Variants in GRK5 observed in about 807,000 individuals in gnomAD.
GRK5 encodes the protein g protein-coupled receptor kinase GRK5.
A neutral mutation model predicts 78.4 loss-of-function variants in GRK5; 40 were observed. That is an observed-to-expected ratio of 0.51 (90% CI 0.40 to 0.66). The LOEUF (loss-of-function observed/expected upper bound fraction) is 0.66, where lower values mean the gene tolerates loss of function less well. Among genes scored for constraint, GRK5 ranks in the 30% least tolerant of loss-of-function variants. The pLI, the probability that GRK5 is intolerant of heterozygous loss-of-function variation, is 0.00. For synonymous variants in GRK5, 289 were observed against 296.8 expected (o/e 0.97, Z 0.27); for missense variants, 598 against 759.9 (o/e 0.79, Z 2.50).
intron 1 of GRK5, among the ~76,000 whole-genome samples, chr10:119,319,643 C>G (rs1421396939): frequency 6.6e-6 from 1 of 152,258 alleles, no homozygotes; most frequent in Admixed American, 6.5e-5. Context: ...CCCTGAACAG[C>G]AGAGGATCCT....
chr10:119,297,821 A>C (rs4752282), intron 1 of GRK5, among the ~76,000 whole-genome samples: 1 of 152,066 alleles, frequency 6.6e-6, no homozygotes, highest in Non-Finnish European at 1.5e-5. Context: ...TTGTTTATAA[A>C]TTACCCAGTC....
At chr10:119,364,424 C>G (rs368161322) in intron 2 of GRK5, among the ~76,000 whole-genome samples, 1 of 152,170 alleles carries the variant, frequency 6.6e-6, no homozygotes, top group Admixed American at 6.5e-5. Context: ...TAAGAAGCCA[C>G]CTTTGGGAGG....
chr10:119,312,066 G>C (rs958697538), intron 1 of GRK5, among the ~76,000 whole-genome samples: 5 of 151,702 alleles, frequency 3.3e-5, no homozygotes, highest in African/African-American at 1.2e-4. Flanking sequence ...ACATCCACCC[G>C]CTGCTAATTT....
In GRK5 at chr10:119,454,978, A is replaced by G. The variant is rs1329121016; in HGVS notation, c.1684A>G (p.Asn562Asp). The G allele has an allele frequency of 6.2e-7, 1 of 1,613,060 alleles. No homozygotes were observed. Among genetic ancestry groups the G allele is most frequent in the Non-Finnish European group, 8.5e-7 (1 of 1,179,262 alleles). The change falls in exon 16 of 16, where the codon AAT becomes GAT. Residue 562 changes from asparagine to aspartate, a missense_variant. Physicochemically the swap from Asn to Asp is conservative, Grantham distance 23. Coordinates refer to ENST00000392870, the MANE Select transcript of GRK5 (RefSeq NM_005308.3). The stretch of plus-strand genomic sequence containing the variant: ...CCAACCCCAACCCCAGCATCAGAAC[A>G]ATTCCAAGAGTTCGCCCAGCTCCAA... The part of the protein sequence containing the change: ...QRLFKRQHQN[N>D]SKSSPSSKTS...
At chr10:119,418,941 G>GA (rs1852516818) in intron 4 of GRK5, among the ~76,000 whole-genome samples, 2 of 152,170 alleles carry the variant, frequency 1.3e-5, no homozygotes, top group African/African-American at 4.8e-5. Flanking sequence ...CATTCAAGGG[G>GA]CATCTTTGAT....
At chr10:119,315,280 A>G (rs890686413) in intron 1 of GRK5, among the ~76,000 whole-genome samples, 3 of 152,186 alleles carry the variant, frequency 2.0e-5, no homozygotes, top group African/African-American at 7.2e-5. Context: ...TTGCTTCTGA[A>G]AAGGCTTGAG....
chr10:119,386,332 C>T (rs1851793725), intron 3 of GRK5, among the ~76,000 whole-genome samples: 1 of 152,186 alleles, frequency 6.6e-6, no homozygotes, highest in African/African-American at 2.4e-5. Flanking sequence ...AAAGAGGAGG[C>T]AGCAGCAGCT....
intron 1 of GRK5, among the ~76,000 whole-genome samples, chr10:119,243,887 A>G (rs1387722131): frequency 6.6e-6 from 1 of 152,262 alleles, no homozygotes; most frequent in Non-Finnish European, 1.5e-5. Flanking sequence ...GTAGGAGCCT[A>G]GATTTTATAG....
chr10:119,296,459 C>T lies in GRK5; in HGVS notation c.53-30057C>T, dbSNP rs1292339962. 2.6e-5 allele frequency among the ~76,000 whole-genome samples: 4 copies of T among 152,280 alleles called. No homozygotes were observed. The East Asian group carries it at 5.8e-4, about 22-fold the overall frequency. On this transcript the variant is annotated intron_variant, in intron 1 of 15. Transcript: ENST00000392870. Reference sequence around the variant, plus strand: ...GAGGAACCACTGGCTGGTGAACAGGCACTGTTCAATGTCTGCCACAAAGTT... The same window carrying T: ...GAGGAACCACTGGCTGGTGAACAGGTACTGTTCAATGTCTGCCACAAAGTT...
chr10:119,261,079 G>GGGGGC (rs1564867838), intron 1 of GRK5, among the ~76,000 whole-genome samples: 38 of 141,854 alleles, frequency 2.7e-4, no homozygotes, highest in Non-Finnish European at 3.8e-4. Flanking sequence ...TGGCCGGGCG[G>GGGGGC]AGACGCTCCT....
chr10:119,452,964 T>C lies in GRK5; in HGVS notation c.1542+156T>C, dbSNP rs1383984266. 6.6e-6 allele frequency among the ~76,000 whole-genome samples: 1 copy of C among 152,106 alleles called. No individual in the cohort carries two copies. Among genetic ancestry groups the C allele is most frequent in the African/African-American group, 2.4e-5 (1 of 41,414 alleles). On this transcript the variant is annotated intron_variant, in intron 14 of 15. Transcript: ENST00000392870. This position sits in a 1 kb window ranked among gnomAD's most constrained non-coding sequence, Gnocchi z 4.4. ...CACACAAAAGCTGTCAGTGGCCAAG[T>C]AGGGAGCTGTAGCCACCACGGGCCA...
At chr10:119,408,010 G>A (rs746981054) in intron 4 of GRK5, among the ~76,000 whole-genome samples, 4 of 151,776 alleles carry the variant, frequency 2.6e-5, no homozygotes, top group Non-Finnish European at 4.4e-5. Context: ...TTAAAAATAC[G>A]AAATTAACCG....
intron 1 of GRK5, among the ~76,000 whole-genome samples, chr10:119,256,534 T>C (rs1189624065): frequency 6.6e-6 from 1 of 152,184 alleles, no homozygotes; most frequent in East Asian, 1.9e-4. Flanking sequence ...TATTTCCTGC[T>C]GCTCTCTGGG....
chr10:119,246,764 CCCT>C (rs1245237356), intron 1 of GRK5, among the ~76,000 whole-genome samples: 1 of 152,178 alleles, frequency 6.6e-6, no homozygotes, highest in Non-Finnish European at 1.5e-5. Context: ...GTTTAAAGCT[CCCT>C]CCTGCACCTT....
chr10:119,281,626 G>C (rs1206272565), intron 1 of GRK5, among the ~76,000 whole-genome samples: 1 of 152,170 alleles, frequency 6.6e-6, no homozygotes, highest in African/African-American at 2.4e-5. Context: ...TCGGGTCTTA[G>C]CACGGCTGAG....
chr10:119,335,514 C>A (rs752385498), intron 2 of GRK5, among the ~76,000 whole-genome samples: 1 of 152,212 alleles, frequency 6.6e-6, no homozygotes, highest in African/African-American at 2.4e-5. Context: ...CAGGTACCTG[C>A]CACCACGCCT....
In GRK5 at chr10:119,431,426, G is replaced by T. The variant is rs1852815010; in HGVS notation, c.637G>T (p.Ala213Ser). Residue 213 changes from alanine to serine, a missense_variant, in exon 8 of 16, where the codon GCC becomes TCC. Transcript: ENST00000392870. The surrounding 1 kb of genome is among the most constrained non-coding windows in gnomAD (Gnocchi z 4.8). The part of the protein sequence containing the change: ...CQVRATGKMY[A>S]CKRLEKKRIK... ...GGTTCGGGCCACGGGTAAAATGTATGCCTGCAAGCGCTTGGAGAAGAAGAG... is the reference window on the plus strand; with the variant it reads ...GGTTCGGGCCACGGGTAAAATGTATTCCTGCAAGCGCTTGGAGAAGAAGAG... 6.2e-7 allele frequency: 1 copy of T among 1,613,882 alleles called. No individual in the cohort carries two copies. Among genetic ancestry groups the T allele is most frequent in the Non-Finnish European group, 8.5e-7 (1 of 1,179,942 alleles).
chr10:119,373,030 C>T (rs143170980), intron 2 of GRK5, among the ~76,000 whole-genome samples: 10 of 152,350 alleles, frequency 6.6e-5, no homozygotes, highest in African/African-American at 1.9e-4. Context: ...CATAGCAATT[C>T]GTTGTGGCTG....
chr10:119,278,340 T>C (rs1187082068), intron 1 of GRK5, among the ~76,000 whole-genome samples: 3 of 151,806 alleles, frequency 2.0e-5, no homozygotes, highest in Non-Finnish European at 4.4e-5. Context: ...AGGGGAACAC[T>C]CAAGTTCTTT....
Sources: allele counts gnomAD v4.1 joint callset (sites outside exome capture counted in the v4.1 genomes callset), GRCh38; gene constraint gnomAD v4.1.1; non-coding constraint Gnocchi (gnomAD v3.1); transcripts MANE v1.5; gene names NCBI Gene and HGNC (gene_info 2026-07-23, HGNC 2026-07-21).